TAS2R1: variants seen among roughly 807,000 people sequenced by gnomAD.
The protein encoded by TAS2R1 is taste 2 receptor member 1, also known as taste receptor type 2 member 1.
For synonymous variants in TAS2R1, 141 were observed against 134.2 expected (o/e 1.05, Z -0.35); for missense variants, 370 against 353.4 (o/e 1.05, Z -0.38).
chr5:9,774,282 C>A, the TAS2R1 span, among the ~76,000 whole-genome samples: 1 of 152,160 alleles, frequency 6.6e-6, no homozygotes, highest in Non-Finnish European at 1.5e-5. Flanking sequence ...GTAATTATTT[C>A]AGTCTCTTTG....
At chr5:9,886,323 C>A in the TAS2R1 span, among the ~76,000 whole-genome samples, 1 of 143,302 alleles carries the variant, frequency 7.0e-6, no homozygotes, top group African/African-American at 2.6e-5. Context: ...TGAGCCACTG[C>A]GCCCAGCATT....
At chr5:9,854,711 T>A in the TAS2R1 span, among the ~76,000 whole-genome samples, 24 of 152,190 alleles carry the variant, frequency 1.6e-4, no homozygotes. Flanking sequence ...AATACTGGAT[T>A]TGACATAAAT....
At chr5:9,847,960 A>G in the TAS2R1 span, among the ~76,000 whole-genome samples, 1 of 152,158 alleles carries the variant, frequency 6.6e-6, no homozygotes, top group Admixed American at 6.5e-5. Context: ...CCTGGGCTCT[A>G]CCTCAGACTT....
chr5:9,833,586 G>T, the TAS2R1 span, among the ~76,000 whole-genome samples: 3 of 152,094 alleles, frequency 2.0e-5, no homozygotes, highest in East Asian at 1.9e-4. Flanking sequence ...AGGTAAAAAG[G>T]GACACATTGA....
the TAS2R1 span, among the ~76,000 whole-genome samples, chr5:9,831,239 G>A: frequency 2.2e-4 from 33 of 152,046 alleles, no homozygotes; most frequent in Non-Finnish European, 3.5e-4. Flanking sequence ...CAGCAAATAC[G>A]TTTATTTCCA....
At chr5:9,867,620 A>T in the TAS2R1 span, among the ~76,000 whole-genome samples, 1 of 152,204 alleles carries the variant, frequency 6.6e-6, no homozygotes, top group African/African-American at 2.4e-5. Flanking sequence ...GGGTGGGGAC[A>T]CAGCCAAACC....
intron 1 of TAS2R1, among the ~76,000 whole-genome samples, chr5:9,688,846 G>C (rs1404095632): frequency 2.0e-5 from 3 of 152,120 alleles, no homozygotes; most frequent in African/African-American, 7.2e-5. Context: ...TCTGCAGCTA[G>C]GCACACCAGG....
chr5:9,643,901 T>C lies in TAS2R1; in HGVS notation c.-80-13909A>G, dbSNP rs186271662. The stretch of plus-strand genomic sequence containing the variant: ...CCTGACCTCCCCAGAGAGGAGGTGA[T>C]AAAAGACCTGGATGGAAGATCTGGG... On this transcript the variant is annotated intron_variant, in intron 2 of 2. Transcript: ENST00000506620. Among the ~76,000 whole-genome samples, 26 of 152,176 alleles carry C rather than the reference T, an allele frequency of 1.7e-4. No homozygotes were observed. The Middle Eastern group carries it at 0.017, about 100-fold the overall frequency.
At chr5:9,784,978 A>G in the TAS2R1 span, among the ~76,000 whole-genome samples, 1 of 152,260 alleles carries the variant, frequency 6.6e-6, no homozygotes, top group South Asian at 2.1e-4. Flanking sequence ...ATTTTTGGGG[A>G]GACACAATTC....
the TAS2R1 span, among the ~76,000 whole-genome samples, chr5:9,756,932 G>T: frequency 2.0e-5 from 3 of 152,210 alleles, no homozygotes; most frequent in East Asian, 5.8e-4. Flanking sequence ...TGTGAGAAAA[G>T]TTTGTTCTCT....
chr5:9,898,628 G>A, the TAS2R1 span, among the ~76,000 whole-genome samples: 9 of 152,156 alleles, frequency 5.9e-5, no homozygotes, highest in African/African-American at 2.2e-4. Flanking sequence ...AACTCTGCAA[G>A]GTCCCAGGTC....
chr5:9,889,721 C>A, the TAS2R1 span: 1 of 152,274 alleles, frequency 6.6e-6, no homozygotes, highest in Admixed American at 6.5e-5. Flanking sequence ...TGGAGCCTCA[C>A]AGGACTGGGT....
chr5:9,640,512 A>AAAAC (rs1314409089), intron 2 of TAS2R1, among the ~76,000 whole-genome samples: 2 of 150,658 alleles, frequency 1.3e-5, no homozygotes, highest in Non-Finnish European at 3.0e-5. Flanking sequence ...AAAAAAAAAA[A>AAAAC]AAAAAAAAAA....
the TAS2R1 span, among the ~76,000 whole-genome samples, chr5:9,869,581 T>C: frequency 6.6e-6 from 1 of 152,194 alleles, no homozygotes; most frequent in South Asian, 2.1e-4. Flanking sequence ...AGAGTACCTA[T>C]GTGATCAGCC....
intron 1 of TAS2R1, among the ~76,000 whole-genome samples, chr5:9,700,837 C>G (rs144417448): frequency 2.6e-5 from 4 of 152,006 alleles, no homozygotes; most frequent in Non-Finnish European, 5.9e-5. Context: ...ATCAGGATGC[C>G]GGTCATGTTA....
At chr5:9,868,892 A>G in the TAS2R1 span, among the ~76,000 whole-genome samples, 1 of 152,308 alleles carries the variant, frequency 6.6e-6, no homozygotes, top group East Asian at 1.9e-4. Context: ...TTGCCTAGCT[A>G]TAGTGACCTT....
At chr5:9,671,411 C>T (rs999853365) in intron 1 of TAS2R1, among the ~76,000 whole-genome samples, 1 of 152,048 alleles carries the variant, frequency 6.6e-6, no homozygotes, top group African/African-American at 2.4e-5. Context: ...CTGACCGAAG[C>T]TTCTAGATAT....
the TAS2R1 span, among the ~76,000 whole-genome samples, chr5:9,802,214 T>C: frequency 1.5e-4 from 23 of 152,274 alleles, no homozygotes; most frequent in African/African-American, 5.5e-4. Flanking sequence ...GGTTCTGGTA[T>C]CCATGGCTGA....
intron 1 of TAS2R1, among the ~76,000 whole-genome samples, chr5:9,663,909 C>T (rs911315700): frequency 2.0e-5 from 3 of 152,102 alleles, no homozygotes; most frequent in Non-Finnish European, 2.9e-5. Flanking sequence ...CATCTATAAG[C>T]CAAGGAATGC....
Sources: gnomAD v4.1 joint callset for allele counts (sites outside exome capture counted in the v4.1 genomes callset) on GRCh38, gnomAD v4.1.1 for gene constraint, MANE v1.5 for transcripts, NCBI Gene and HGNC (gene_info 2026-07-23, HGNC 2026-07-21) for gene names.